Variants in MACROD1 observed in about 807,000 individuals in gnomAD.
MACROD1 encodes the protein mono-ADP ribosylhydrolase 1.
MACROD1 carries 31 observed loss-of-function variants against 41.4 expected under a neutral mutation model. That is an observed-to-expected ratio of 0.75 (90% CI 0.56 to 1.01). The LOEUF is 1.01. MACROD1 is among the 50% of genes least tolerant of loss of function. MACROD1 has a pLI of 0.00. For missense variants in MACROD1, 473 were observed against 460.0 expected, an observed-to-expected ratio of 1.03 and a Z score of -0.26; for synonymous variants, 252 against 203.4, an observed-to-expected ratio of 1.24 and a Z score of -2.03.
At position 64,148,700 on chromosome 11, in the gene MACROD1, T is replaced by G. The variant is rs1051894715; in HGVS notation, c.517+2539A>C. On this transcript the variant is annotated intron_variant, in intron 3 of 10. Transcript: ENST00000255681. ...TACATATGAATTAAGCACATATGGG[T>G]TTCACGAGGCACAGACGCAGATTTA... 6.1e-6 allele frequency: 6 copies of G among 983,674 alleles called. No homozygotes were observed. In the Admixed American group the frequency reaches 3.7e-4, roughly 61 times the overall value. 60.9% of individuals were successfully genotyped at this position (983,674 alleles called of 1,614,324 possible).
intron 4 of MACROD1, among the ~76,000 whole-genome samples, chr11:64,009,937 C>A (rs1025934125): frequency 1.3e-5 from 2 of 152,262 alleles, no homozygotes; most frequent in Admixed American, 6.5e-5. Flanking sequence ...CTCCACGCCA[C>A]TACCCACACC....
At chr11:64,159,843 C>A (rs540329075) in intron 1 of MACROD1, among the ~76,000 whole-genome samples, 6 of 152,152 alleles carry the variant, frequency 3.9e-5, no homozygotes, top group African/African-American at 9.6e-5. Context: ...GAGAAAGTAA[C>A]CCCTGGCTAG....
At chr11:64,147,821 C>T (rs1303760259) in intron 3 of MACROD1, among the ~76,000 whole-genome samples, 1 of 151,516 alleles carries the variant, frequency 6.6e-6, no homozygotes, top group African/African-American at 2.4e-5. Context: ...TGGCTCACTG[C>T]AGCCTCAACC....
intron 8 of MACROD1, 129 bp from the exon 9 acceptor site, chr11:63,999,165 C>T (rs1408370133): frequency 7.7e-7 from 1 of 1,290,908 alleles, no homozygotes; most frequent in Non-Finnish European, 1.1e-6. Context: ...CGGCTGTGTG[C>T]CATCACCCCC....
intron 3 of MACROD1, among the ~76,000 whole-genome samples, chr11:64,095,573 T>A (rs1349000492): frequency 1.3e-5 from 2 of 151,960 alleles, no homozygotes; most frequent in South Asian, 2.1e-4. Flanking sequence ...GGGAGGGAAG[T>A]AGAGAACTGA....
intron 3 of MACROD1, among the ~76,000 whole-genome samples, chr11:64,105,180 G>A (rs1268338634): frequency 6.6e-6 from 1 of 152,230 alleles, no homozygotes; most frequent in South Asian, 2.1e-4. Flanking sequence ...GCGCCAGCCC[G>A]ACAGCGGGGC....
chr11:64,086,570 G>T (rs1048741455), intron 3 of MACROD1, among the ~76,000 whole-genome samples: 4 of 152,118 alleles, frequency 2.6e-5, no homozygotes, highest in Non-Finnish European at 4.4e-5. Flanking sequence ...CCTTCCTCCT[G>T]CCTCCGGGCC....
At chr11:64,153,707 C>T (rs1945620438) in intron 1 of MACROD1, among the ~76,000 whole-genome samples, 1 of 152,276 alleles carries the variant, frequency 6.6e-6, no homozygotes, top group South Asian at 2.1e-4. Flanking sequence ...AAAGGCTAGG[C>T]CCACCCCTGG....
At chr11:64,139,165 G>A (rs1042716905) in intron 3 of MACROD1, among the ~76,000 whole-genome samples, 23 of 152,116 alleles carry the variant, frequency 1.5e-4, no homozygotes, top group African/African-American at 1.2e-4. Context: ...ACTGCCTCCC[G>A]CACCACTGTC....
At chr11:64,045,427 G>T (rs1428452719) in intron 3 of MACROD1, among the ~76,000 whole-genome samples, 3 of 152,212 alleles carry the variant, frequency 2.0e-5, no homozygotes, top group Non-Finnish European at 4.4e-5. Context: ...GGTGAAGAGC[G>T]CAGGAGAGAG....
chr11:64,047,242 C>G (rs991655969), intron 3 of MACROD1, among the ~76,000 whole-genome samples: 1 of 152,098 alleles, frequency 6.6e-6, no homozygotes, highest in Non-Finnish European at 1.5e-5. Context: ...CAGTCAGATT[C>G]CTCAACTCCT....
At chr11:64,101,219 G>A (rs1944665128) in intron 3 of MACROD1, among the ~76,000 whole-genome samples, 1 of 152,116 alleles carries the variant, frequency 6.6e-6, no homozygotes, top group South Asian at 2.1e-4. Flanking sequence ...AGCCAGCTCA[G>A]GGCATTAGTG....
intron 3 of MACROD1, among the ~76,000 whole-genome samples, chr11:64,092,555 C>A (rs1227732340): frequency 6.6e-6 from 1 of 152,242 alleles, no homozygotes; most frequent in Non-Finnish European, 1.5e-5. Context: ...GGTCATGACA[C>A]GTGCCTTCCC....
intron 3 of MACROD1, among the ~76,000 whole-genome samples, chr11:64,059,087 C>T (rs1486098723): frequency 1.3e-5 from 2 of 152,154 alleles, no homozygotes; most frequent in African/African-American, 4.8e-5. Context: ...AACTGAGGCT[C>T]ACATGGAAAT....
intron 3 of MACROD1, among the ~76,000 whole-genome samples, chr11:64,058,938 C>A (rs1168442508): frequency 6.6e-6 from 1 of 152,110 alleles, no homozygotes; most frequent in Non-Finnish European, 1.5e-5. Context: ...ACACATGGAC[C>A]CAGGCTACCG....
intron 3 of MACROD1, chr11:64,117,503 C>G (rs749614602): frequency 3.7e-6 from 6 of 1,609,866 alleles, no homozygotes. Flanking sequence ...TGTTTACCCT[C>G]AAGGCCAAAA....
chr11:64,123,128 G>C (rs1323304314), intron 3 of MACROD1, among the ~76,000 whole-genome samples: 1 of 152,202 alleles, frequency 6.6e-6, no homozygotes, highest in Non-Finnish European at 1.5e-5. Context: ...GCTGGCAGGA[G>C]GGGCCGGGCG....
intron 3 of MACROD1, among the ~76,000 whole-genome samples, chr11:64,017,724 C>T (rs1375274375): frequency 6.6e-6 from 1 of 152,180 alleles, no homozygotes; most frequent in Non-Finnish European, 1.5e-5. Context: ...CAGCTCCAGG[C>T]CCCTTGGCCT....
intron 3 of MACROD1, among the ~76,000 whole-genome samples, chr11:64,055,948 G>A (rs372408107): frequency 9.9e-5 from 15 of 152,182 alleles, no homozygotes; most frequent in African/African-American, 3.4e-4. Context: ...GCCGACAGCC[G>A]TATCAGCACC....
Sources: allele counts gnomAD v4.1 joint callset (sites outside exome capture counted in the v4.1 genomes callset), GRCh38; gene constraint gnomAD v4.1.1; transcripts MANE v1.5; gene names NCBI Gene and HGNC (gene_info 2026-07-23, HGNC 2026-07-21).